The following FGFR2 variants were observed in gnomAD, a reference collection of about 807,000 sequenced individuals.
FGFR2 encodes fibroblast growth factor receptor 2.
A neutral mutation model predicts 95.9 loss-of-function variants in FGFR2; 19 were observed. The observed-to-expected ratio is 0.20, with a 90% CI of 0.14 to 0.29. The LOEUF (loss-of-function observed/expected upper bound fraction) is 0.29, where lower values mean the gene tolerates loss of function less well. Ranked by LOEUF, FGFR2 falls within the 10% of genes least tolerant of loss-of-function variation. The pLI, the probability that FGFR2 is intolerant of heterozygous loss-of-function variation, is 1.00. For missense variants in FGFR2, 707 were observed against 1,056.9 expected (o/e 0.67, Z 4.59); for synonymous variants, 392 against 393.3 (o/e 1.00, Z 0.04).
At chr10:121,504,144 A>G (rs1847964631) in intron 9 of FGFR2, among the ~76,000 whole-genome samples, 1 of 152,182 alleles carries the variant, frequency 6.6e-6, no homozygotes, top group African/African-American at 2.4e-5. Flanking sequence ...TCCAAATTTT[A>G]TGTTCCTATG....
chr10:121,584,338 C>G (rs1006626776), intron 2 of FGFR2, among the ~76,000 whole-genome samples: 5 of 151,584 alleles, frequency 3.3e-5, no homozygotes, highest in Admixed American at 1.3e-4. Context: ...CACACCACAC[C>G]GCACCCCACC....
At chr10:121,482,385 G>A (rs1844875525) in intron 17 of FGFR2, among the ~76,000 whole-genome samples, 1 of 152,182 alleles carries the variant, frequency 6.6e-6, no homozygotes. Context: ...AGACGCATAA[G>A]ATAAAGCTGC....
At chr10:121,568,924 G>A (rs4752567) in intron 2 of FGFR2, among the ~76,000 whole-genome samples, 11,898 of 152,170 alleles carry the variant, frequency 0.078, 483 homozygotes, top group African/African-American at 0.095. Context: ...TGCCCTGGAC[G>A]AGAAGAGGAT....
chr10:121,479,664 T>C lies in FGFR2; in HGVS notation c.*193A>G, dbSNP rs937866691. 2 of 1,552,956 alleles carry C rather than the reference T, an allele frequency of 1.3e-6. No individual in the cohort carries two copies. The highest frequency in any genetic ancestry group is 1.2e-5 in the South Asian group (1 of 84,290). ...CAGTCCACTGCTCCAGAAACCTTCT[T>C]CTCCTCCTGGGGAAGATTACAAGTT... On this transcript the variant is annotated 3_prime_UTR_variant, in exon 18 of 18. Coordinates refer to ENST00000358487, the MANE Select transcript of FGFR2 (RefSeq NM_000141.5).
chr10:121,541,773 T>A (rs1853791479), intron 5 of FGFR2, among the ~76,000 whole-genome samples: 1 of 152,254 alleles, frequency 6.6e-6, no homozygotes, highest in South Asian at 2.1e-4. Flanking sequence ...CAGTACTTGG[T>A]GAATGTGTAG....
intron 16 of FGFR2, 113 bp from the exon 17 acceptor site, chr10:121,483,916 C>G (rs566779117): frequency 2.6e-6 from 2 of 777,482 alleles, no homozygotes; most frequent in East Asian, 5.4e-5. Flanking sequence ...TGCATCAGAA[C>G]CTTCCAAGCA....
chr10:121,508,192 G>A (rs1051958696), intron 9 of FGFR2, among the ~76,000 whole-genome samples: 6 of 152,198 alleles, frequency 3.9e-5, no homozygotes, highest in Non-Finnish European at 7.3e-5. Context: ...CAAACTGTGT[G>A]CAACCAGGAA....
chr10:121,482,695 T>C (rs1405709147), intron 17 of FGFR2, among the ~76,000 whole-genome samples: 1 of 152,230 alleles, frequency 6.6e-6, no homozygotes, highest in Non-Finnish European at 1.5e-5. Flanking sequence ...CTTTCCATAA[T>C]TATAAAAGGC....
intron 2 of FGFR2, among the ~76,000 whole-genome samples, chr10:121,582,839 C>T (rs1269626355): frequency 6.6e-6 from 1 of 152,130 alleles, no homozygotes; most frequent in Non-Finnish European, 1.5e-5. Context: ...CAAAACTCAA[C>T]TCCCACTTGG....
intron 15 of FGFR2, among the ~76,000 whole-genome samples, chr10:121,487,126 G>A (rs973387489): frequency 3.3e-5 from 5 of 152,256 alleles, no homozygotes; most frequent in Admixed American, 6.5e-5. Context: ...CGCTCTGGCA[G>A]GGGGAGGTCA....
chr10:121,513,458 G>A (rs796505951), intron 9 of FGFR2, among the ~76,000 whole-genome samples: 53 of 152,218 alleles, frequency 3.5e-4, no homozygotes, highest in African/African-American at 1.3e-3. Flanking sequence ...TAAGTAAAAA[G>A]AAAAGCATTT....
chr10:121,514,547 G>A (rs1483664929), intron 9 of FGFR2, among the ~76,000 whole-genome samples: 2 of 152,130 alleles, frequency 1.3e-5, no homozygotes, highest in Non-Finnish European at 2.9e-5. Flanking sequence ...CATAATAGAT[G>A]CATACAATTC....
At position 121,503,950 on chromosome 10, in the gene FGFR2, A is replaced by G. The variant is rs370874814; in HGVS notation, c.1288-9T>C. 2.5e-6 allele frequency: 4 copies of G among 1,613,948 alleles called. No individual in the cohort carries two copies. Among genetic ancestry groups the G allele is most frequent in the African/African-American group, 2.7e-5 (2 of 74,936 alleles). On this transcript the variant is annotated splice_polypyrimidine_tract_variant and intron_variant, in intron 9 of 17. Coordinates refer to ENST00000358487, the MANE Select transcript of FGFR2 (RefSeq NM_000141.5). ...CTGGACTCAGCCGAAACCTGGATAC[A>G]AAATGCAAAGACACAGATGTAATCC...
chr10:121,504,316 T>C (rs1332684044), intron 9 of FGFR2, among the ~76,000 whole-genome samples: 1 of 152,222 alleles, frequency 6.6e-6, no homozygotes, highest in Non-Finnish European at 1.5e-5. Context: ...GAGCCCTGGA[T>C]AATGGATCCC....
rs148674731 is a variant in FGFR2, at chr10:121,482,001, C to A, written c.2301+1697G>T. 5 of 510,828 alleles carry A rather than the reference C, an allele frequency of 9.8e-6. 1 individual carries two copies. In the South Asian group the frequency reaches 1.2e-4, roughly 12 times the overall value. 31.6% of individuals were successfully genotyped at this position (510,828 alleles called of 1,614,324 possible). Reference sequence around the variant, plus strand: ...TACAGGTGCACACCAACACGCCCGGCTAATTTTTTGTATCTTTAGTAGAGA... The same window carrying A: ...TACAGGTGCACACCAACACGCCCGGATAATTTTTTGTATCTTTAGTAGAGA... On this transcript the variant is annotated intron_variant, in intron 17 of 17. Transcript: ENST00000358487.
At chr10:121,554,473 G>T (rs1359075369) in intron 4 of FGFR2, among the ~76,000 whole-genome samples, 1 of 151,156 alleles carries the variant, frequency 6.6e-6, no homozygotes, top group Non-Finnish European at 1.5e-5. Flanking sequence ...CGAGTAGCTG[G>T]GACTACAGGT....
intron 13 of FGFR2, among the ~76,000 whole-genome samples, chr10:121,491,833 G>A (rs1366900429): frequency 6.9e-6 from 1 of 144,358 alleles, no homozygotes; most frequent in Non-Finnish European, 1.5e-5. Context: ...TAGCGCCACT[G>A]AACTCCAGCC....
chr10:121,520,182 G>A lies in FGFR2; in HGVS notation c.749-13C>T, dbSNP rs2134320809. 6.2e-7 allele frequency: 1 copy of A among 1,609,854 alleles called. No homozygotes were observed. Among genetic ancestry groups the A allele is most frequent in the African/African-American group, 1.3e-5 (1 of 74,992 alleles). On this transcript the variant is annotated splice_polypyrimidine_tract_variant and intron_variant, in intron 6 of 17. Coordinates refer to ENST00000358487, the MANE Select transcript of FGFR2 (RefSeq NM_000141.5). ...TGAGGCGATCGCTCTGGTGGAGAGAGGGAAGAAAGGAGGAGTGGGGATGGG... is the reference window on the plus strand; with the variant it reads ...TGAGGCGATCGCTCTGGTGGAGAGAAGGAAGAAAGGAGGAGTGGGGATGGG...
chr10:121,569,803 T>TC (rs1341064398), intron 2 of FGFR2, among the ~76,000 whole-genome samples: 1 of 152,214 alleles, frequency 6.6e-6, no homozygotes, highest in Admixed American at 6.5e-5. Flanking sequence ...GACTCCTCCC[T>TC]CCACCCCTTC....
Sources: allele counts gnomAD v4.1 joint callset (sites outside exome capture counted in the v4.1 genomes callset), GRCh38; gene constraint gnomAD v4.1.1; transcripts MANE v1.5; gene names NCBI Gene and HGNC (gene_info 2026-07-23, HGNC 2026-07-21).